CFAP70: variants seen among roughly 807,000 people sequenced by gnomAD.
CFAP70 encodes cilia and flagella associated protein 70.
A neutral mutation model predicts 137.6 loss-of-function variants in CFAP70; 81 were observed. That is an observed-to-expected ratio of 0.59 (90% CI 0.49 to 0.71). The LOEUF (loss-of-function observed/expected upper bound fraction) is 0.71, where lower values mean the gene tolerates loss of function less well. CFAP70 is among the 30% of genes least tolerant of loss of function. The pLI, the probability that CFAP70 is intolerant of heterozygous loss-of-function variation, is 0.00. For synonymous variants in CFAP70, 382 were observed against 423.6 expected (o/e 0.90, Z 1.20); for missense variants, 976 against 1,226.7 (o/e 0.80, Z 3.05).
rs920387040 is a variant in CFAP70 at position 73,338,023 on chromosome 10, A to G, written c.583-2499T>C. On this transcript the variant is annotated intron_variant, in intron 6 of 26. Coordinates refer to ENST00000310715, the Ensembl canonical transcript of CFAP70. ...AAGTGAAGAAACCTGCAGTTTTGCC[A>G]TCATGAATAGACTAATGTAAATGGG... 2.0e-5 allele frequency among the ~76,000 whole-genome samples: 3 copies of G among 152,222 alleles called. No individual in the cohort carries two copies. The East Asian group carries it at 5.8e-4, about 29-fold the overall frequency.
intron 19 of CFAP70, among the ~76,000 whole-genome samples, chr10:73,286,853 G>A (rs1271710646): frequency 6.6e-6 from 1 of 152,200 alleles, no homozygotes; most frequent in Non-Finnish European, 1.5e-5. Flanking sequence ...TATGCCTTAT[G>A]GGAAACAAGG....
intron 25 of CFAP70, among the ~76,000 whole-genome samples, chr10:73,259,785 C>T (rs951100055): frequency 6.6e-6 from 1 of 152,126 alleles, no homozygotes; most frequent in Non-Finnish European, 1.5e-5. Context: ...AATCCCCGCA[C>T]TTTGCAAGGC....
chr10:73,339,169 C>T (rs1047597199), intron 6 of CFAP70, among the ~76,000 whole-genome samples: 5 of 151,462 alleles, frequency 3.3e-5, no homozygotes, highest in Non-Finnish European at 7.4e-5. Flanking sequence ...CCACCTGTCT[C>T]GGCCTCCCAA....
rs373765640 is a variant in CFAP70, at chr10:73,285,212, G to C, written c.2239+6014C>G. ...GGGCTATTTTGAATTACCAACAGAA[G>C]AATGTGTTGGACATGGGCTATGAGT... On this transcript the variant is annotated intron_variant, in intron 19 of 26. Transcript: ENST00000310715. Among the ~76,000 whole-genome samples the C allele has an allele frequency of 1.3e-4, 20 of 152,248 alleles. No individual in the cohort carries two copies. The East Asian group carries it at 3.5e-3, about 26-fold the overall frequency.
At position 73,341,447 on chromosome 10, in the gene CFAP70, A is replaced by G. The variant is rs116921979; in HGVS notation, c.534T>C (p.Ile178=). The G allele has an allele frequency of 1.3e-3, 2,078 of 1,614,166 alleles. 4 individuals carry two copies. Among genetic ancestry groups the G allele is most frequent in the Non-Finnish European group, 1.6e-3 (1,894 of 1,180,010 alleles). ...CTTCTTCTTCATAGGGACCACCAAC[A>G]ATGAATGCATCAGGAATGTTATTAG... Residue 178 remains isoleucine, a synonymous_variant, in exon 6 of 27, where the codon ATT becomes ATC. Transcript: ENST00000310715.
At chr10:73,346,383 C>A (rs1424971837) in intron 4 of CFAP70, among the ~76,000 whole-genome samples, 1 of 151,748 alleles carries the variant, frequency 6.6e-6, no homozygotes, top group Non-Finnish European at 1.5e-5. Flanking sequence ...CGCCTGTAAT[C>A]CCAGCACTTT....
chr10:73,306,375 A>C (rs1385321982), intron 12 of CFAP70, among the ~76,000 whole-genome samples: 1 of 152,198 alleles, frequency 6.6e-6, no homozygotes, highest in Non-Finnish European at 1.5e-5. Flanking sequence ...GGAAAAACTC[A>C]TATGTCCACA....
At chr10:73,267,886 G>T (rs1270404762) in intron 25 of CFAP70, among the ~76,000 whole-genome samples, 1 of 152,138 alleles carries the variant, frequency 6.6e-6, no homozygotes. Context: ...CTCAGCAGGG[G>T]CTGCTGTTAG....
intron 15 of CFAP70, chr10:73,296,834 G>GA (rs1412642646): frequency 5.4e-5 from 20 of 367,296 alleles, no homozygotes; most frequent in Admixed American, 2.7e-4. Flanking sequence ...CTAGGAAATT[G>GA]AAAGAGCATA....
At chr10:73,257,876 C>CTTTTTTTT (rs745485451) in intron 25 of CFAP70, among the ~76,000 whole-genome samples, 1 of 129,932 alleles carries the variant, frequency 7.7e-6, no homozygotes, top group Non-Finnish European at 1.6e-5. Flanking sequence ...CCTTTTCCTT[C>CTTTTTTTT]TTTTTTTTTT....
At chr10:73,326,289 G>A (rs1469726333) in intron 8 of CFAP70, among the ~76,000 whole-genome samples, 11 of 149,546 alleles carry the variant, frequency 7.4e-5, no homozygotes, top group East Asian at 4.0e-4. Context: ...TGAAACCAAC[G>A]AGAACAAAGA....
At chr10:73,303,516 C>A (rs536807846) in intron 12 of CFAP70, among the ~76,000 whole-genome samples, 1 of 152,234 alleles carries the variant, frequency 6.6e-6, no homozygotes, top group South Asian at 2.1e-4. Context: ...CCACACCCGG[C>A]CTATTGTTGC....
upstream of CFAP70, among the ~76,000 whole-genome samples, chr10:73,360,554 C>T (rs1046334484): frequency 1.3e-5 from 2 of 152,224 alleles, no homozygotes; most frequent in Admixed American, 6.5e-5. Flanking sequence ...CCCTGGGAAG[C>T]CCTTTGCTTA....
At chr10:73,296,251 T>G (rs964746017) in intron 15 of CFAP70, 5 of 152,236 alleles carry the variant, frequency 3.3e-5, no homozygotes, top group African/African-American at 1.2e-4. Context: ...CTTCTTTTTC[T>G]CATGCTCCAC....
intron 6 of CFAP70, among the ~76,000 whole-genome samples, chr10:73,340,381 A>G (rs1029648257): frequency 5.3e-5 from 8 of 152,162 alleles, no homozygotes; most frequent in Admixed American, 3.9e-4. Flanking sequence ...TAGGCTCCAG[A>G]GGGGAGGAAG....
At chr10:73,293,524 G>T in intron 15 of CFAP70, 136 bp from the exon 17 acceptor site, 2 of 684,290 alleles carry the variant, frequency 2.9e-6, no homozygotes, top group Non-Finnish European at 4.5e-6. Context: ...TGACAGTCTT[G>T]CCAAAAAAGT....
At chr10:73,357,308 T>C (rs967752950) in intron 1 of CFAP70, among the ~76,000 whole-genome samples, 2 of 152,188 alleles carry the variant, frequency 1.3e-5, no homozygotes, top group African/African-American at 4.8e-5. Context: ...AAGGAAGTGC[T>C]GAATGAAGCT....
chr10:73,275,501 T>C lies in CFAP70; in HGVS notation c.2618A>G (p.Lys873Arg). ...GTATTCCTCTGCCTTGGCAAAGTTC[T>C]TCTTAAGAATGTGTGTTTGGGCCAG... The change falls in exon 22 of 27, where the codon AAG becomes AGG. Residue 873 changes from lysine to arginine, a missense_variant. By Grantham distance (26) the Lys-to-Arg change is conservative. Coordinates refer to ENST00000310715, the Ensembl canonical transcript of CFAP70. The surrounding 1 kb of genome is among the most constrained non-coding windows in gnomAD (Gnocchi z 4.0). 6.2e-7 allele frequency: 1 copy of C among 1,612,024 alleles called. No individual in the cohort carries two copies. Among genetic ancestry groups the C allele is most frequent in the Non-Finnish European group, 8.5e-7 (1 of 1,179,362 alleles).
At chr10:73,286,195 A>G (rs2047692512) in intron 19 of CFAP70, among the ~76,000 whole-genome samples, 1 of 152,176 alleles carries the variant, frequency 6.6e-6, no homozygotes, top group Non-Finnish European at 1.5e-5. Flanking sequence ...CTGTAATCCC[A>G]GCACTTTGGG....
Sources: gnomAD v4.1 joint callset for allele counts (sites outside exome capture counted in the v4.1 genomes callset) on GRCh38, gnomAD v4.1.1 for gene constraint, Gnocchi (gnomAD v3.1) non-coding constraint, MANE v1.5 for transcripts, NCBI Gene and HGNC (gene_info 2026-07-23, HGNC 2026-07-21) for gene names.